Variants in ZNF469 observed in about 807,000 individuals in gnomAD.
ZNF469 encodes the protein zinc finger protein 469.
In ZNF469, 1 loss-of-function variant was observed where a neutral mutation model predicts 1.0. The ratio of observed to expected loss-of-function variants is 1.00; its 90% confidence interval spans 0.35 to 4.73. The LOEUF is 4.73. ZNF469 is among the 30% of genes most tolerant of loss of function. The pLI is 0.16. For synonymous variants in ZNF469, 2,703 were observed against 2,363.4 expected (o/e 1.14, Z -4.17); for missense variants, 6,100 against 5,356.3 (o/e 1.14, Z -4.33).
the ZNF469 span, among the ~76,000 whole-genome samples, chr16:88,260,620 A>G: frequency 6.6e-6 from 1 of 152,182 alleles, no homozygotes; most frequent in African/African-American, 2.4e-5. This position sits in a 1 kb window ranked among gnomAD's most constrained non-coding sequence, Gnocchi z 4.1. Flanking sequence ...GTTCTTCTCA[A>G]TCATGCTCGC....
At chr16:88,137,437 C>T in the ZNF469 span, among the ~76,000 whole-genome samples, 3,406 of 152,168 alleles carry the variant, frequency 0.022, 123 homozygotes, top group African/African-American at 0.079. Context: ...TGCATGCAAC[C>T]GTGTGTGTGC....
chr16:88,293,028 C>T, the ZNF469 span, among the ~76,000 whole-genome samples: 79 of 152,272 alleles, frequency 5.2e-4, no homozygotes, highest in African/African-American at 1.5e-3. Flanking sequence ...CTACCAGCAG[C>T]CAGAAACATA....
the ZNF469 span, among the ~76,000 whole-genome samples, chr16:88,115,834 G>T: frequency 7.9e-5 from 12 of 152,286 alleles, no homozygotes; most frequent in South Asian, 2.3e-3. Context: ...GCCTCTCCCA[G>T]CTCCTGGGCA....
rs1334747515 is a variant in ZNF469, at chr16:88,435,977, G to T, written c.8507G>T (p.Gly2836Val). ...CAGGGTGGAGTCCAGGGGCCTGAAG[G>T]CCCCACTCCTGATGCCTCTGGCTCC... ...DTQGGVQGPE[G>V]PTPDASGSSA... Residue 2836 changes from glycine to valine, a missense_variant, in exon 3 of 3, where the codon GGC (glycine) becomes GTC (valine). Transcript: ENST00000565624. 6.5e-7 allele frequency: 1 copy of T among 1,550,038 alleles called. No individual in the cohort carries two copies. The highest frequency in any genetic ancestry group is 8.7e-7 in the Non-Finnish European group (1 of 1,146,978).
the ZNF469 span, chr16:88,177,216 A>T: frequency 2.0e-5 from 3 of 152,142 alleles, no homozygotes; most frequent in African/African-American, 7.2e-5. The surrounding 1 kb of genome is among the most constrained non-coding windows in gnomAD (Gnocchi z 4.8). Flanking sequence ...GATCAAGGGG[A>T]CCCGAGCTGA....
the ZNF469 span, among the ~76,000 whole-genome samples, chr16:88,284,530 G>A: frequency 1.3e-5 from 2 of 150,106 alleles, no homozygotes; most frequent in African/African-American, 4.9e-5. Context: ...AGGATCGCTT[G>A]AGCCCAGGAG....
At chr16:88,242,407 C>T in the ZNF469 span, among the ~76,000 whole-genome samples, 2 of 152,178 alleles carry the variant, frequency 1.3e-5, no homozygotes, top group Non-Finnish European at 2.9e-5. Context: ...CCTGGCTTGT[C>T]GAGGCCGCCT....
chr16:88,152,393 G>A, the ZNF469 span, among the ~76,000 whole-genome samples: 2 of 152,194 alleles, frequency 1.3e-5, no homozygotes, highest in African/African-American at 4.8e-5. This position sits in a 1 kb window ranked among gnomAD's most constrained non-coding sequence, Gnocchi z 4.2. Flanking sequence ...CTGGGGGAGC[G>A]CAGCTGCTTT....
the ZNF469 span, among the ~76,000 whole-genome samples, chr16:88,331,197 A>G: frequency 2.1e-5 from 3 of 145,948 alleles, no homozygotes; most frequent in African/African-American, 7.8e-5. Flanking sequence ...CGTCACCATC[A>G]CCACCACCAT....
chr16:88,255,940 A>G, the ZNF469 span, among the ~76,000 whole-genome samples: 1 of 152,026 alleles, frequency 6.6e-6, no homozygotes, highest in Non-Finnish European at 1.5e-5. Context: ...CTGGTTGGAG[A>G]TGTCATTTGT....
At chr16:88,290,478 A>G in the ZNF469 span, among the ~76,000 whole-genome samples, 13 of 152,198 alleles carry the variant, frequency 8.5e-5, no homozygotes, top group African/African-American at 2.4e-4. Context: ...GTTCAGAGCC[A>G]TGTTCAGGTT....
chr16:88,188,794 C>G, the ZNF469 span, among the ~76,000 whole-genome samples: 2 of 152,234 alleles, frequency 1.3e-5, no homozygotes, highest in Non-Finnish European at 2.9e-5. Flanking sequence ...GCACGAGAAT[C>G]TACATGTCTG....
At chr16:88,199,614 G>A in the ZNF469 span, among the ~76,000 whole-genome samples, 31,789 of 152,050 alleles carry the variant, frequency 0.21, 4,074 homozygotes, top group Non-Finnish European at 0.29. Flanking sequence ...CAGCCGGCTC[G>A]GACCACCCAC....
the ZNF469 span, among the ~76,000 whole-genome samples, chr16:88,106,608 C>T: frequency 2.6e-5 from 4 of 152,252 alleles, no homozygotes; most frequent in African/African-American, 9.6e-5. Context: ...CCCGGAGCAG[C>T]CCCCACTGTC....
At chr16:88,175,746 A>G in the ZNF469 span, among the ~76,000 whole-genome samples, 7 of 152,272 alleles carry the variant, frequency 4.6e-5, no homozygotes, top group Admixed American at 2.0e-4. Context: ...AAGAGAAAAA[A>G]GGTCCCAAAT....
the ZNF469 span, among the ~76,000 whole-genome samples, chr16:88,299,529 G>A: frequency 6.6e-6 from 1 of 152,184 alleles, no homozygotes; most frequent in African/African-American, 2.4e-5. Context: ...TCTAACAAGG[G>A]CTCATCTTGA....
the ZNF469 span, among the ~76,000 whole-genome samples, chr16:88,225,577 C>T: frequency 8.9e-5 from 13 of 146,592 alleles, no homozygotes; most frequent in South Asian, 2.2e-4. Flanking sequence ...TGCCCTCTGC[C>T]GCAGCCTGTG....
the ZNF469 span, among the ~76,000 whole-genome samples, chr16:88,204,373 C>T: frequency 2.0e-5 from 3 of 152,208 alleles, no homozygotes; most frequent in African/African-American, 7.2e-5. Flanking sequence ...TCTGGGCATC[C>T]TGGGAACTGG....
the ZNF469 span, among the ~76,000 whole-genome samples, chr16:88,125,479 C>T: frequency 6.6e-6 from 1 of 152,236 alleles, no homozygotes; most frequent in African/African-American, 2.4e-5. Context: ...AAATAGCCTG[C>T]ATGGCTTGAA....
Sources: gnomAD v4.1 joint callset for allele counts (sites outside exome capture counted in the v4.1 genomes callset) on GRCh38, gnomAD v4.1.1 for gene constraint, Gnocchi (gnomAD v3.1) non-coding constraint, MANE v1.5 for transcripts, NCBI Gene and HGNC (gene_info 2026-07-23, HGNC 2026-07-21) for gene names.